FANCA: variants seen among roughly 807,000 people sequenced by gnomAD.
The protein encoded by FANCA is Fanconi anemia group A protein.
FANCA carries 236 observed loss-of-function variants against 194.3 expected under a neutral mutation model. The ratio of observed to expected loss-of-function variants is 1.21; its 90% confidence interval spans 1.09 to 1.35. The LOEUF (loss-of-function observed/expected upper bound fraction) is 1.35, where lower values mean the gene tolerates loss of function less well. Among genes scored for constraint, FANCA ranks in the 40% most tolerant of loss-of-function variants. FANCA has a pLI of 0.00. For synonymous variants in FANCA, 1,014 were observed against 715.8 expected (o/e 1.42, Z -6.65); for missense variants, 2,628 against 1,813.9 (o/e 1.45, Z -8.15).
intron 35 of FANCA, among the ~76,000 whole-genome samples, chr16:89,746,354 C>G (rs12102297): frequency 6.6e-6 from 1 of 151,978 alleles, no homozygotes; most frequent in Admixed American, 6.6e-5. Flanking sequence ...AGAAGTCCTG[C>G]GGGTGCCATG....
chr16:89,760,674 C>T (rs1026985943), intron 29 of FANCA, among the ~76,000 whole-genome samples: 2 of 152,182 alleles, frequency 1.3e-5, no homozygotes, highest in African/African-American at 4.8e-5. Flanking sequence ...CAAATGGTCT[C>T]AGTCATCAGC....
At position 89,815,865 on chromosome 16, in the gene FANCA, G is replaced by C. The variant is rs753101174; in HGVS notation, c.189+12C>G. 34 of 1,596,048 alleles carry C rather than the reference G, an allele frequency of 2.1e-5. No homozygotes were observed. In the Middle Eastern group the frequency reaches 4.6e-3, roughly 218 times the overall value. On this transcript the variant is annotated intron_variant, in intron 2 of 42. Transcript: ENST00000389301. ...TAAATCTGCCCGCAGACGGACACCA[G>C]CTTCCTCTTACCTCAAGCAAAAGGG...
chr16:89,791,966 G>A lies in FANCA; in HGVS notation c.1186C>T (p.Leu396=), dbSNP rs1445257468. ...TGCGCTTCTGGAAAGCAGACAACCA[G>A]GGCAGACACAAAGGAGAGCACTCTC... ...WQRVLSFVSA[L]VVCFPEAQQL... Residue 396 remains leucine, a synonymous_variant, in exon 13 of 43, where the codon CTG becomes TTG. Transcript: ENST00000389301. The A allele has an allele frequency of 6.2e-7, 1 of 1,614,004 alleles. No homozygotes were observed. The highest frequency in any genetic ancestry group is 1.3e-5 in the African/African-American group (1 of 74,912).
intron 6 of FANCA, among the ~76,000 whole-genome samples, chr16:89,806,625 G>A (rs2040658656): frequency 6.6e-6 from 1 of 152,050 alleles, no homozygotes; most frequent in South Asian, 2.1e-4. Flanking sequence ...ATTTAACCCT[G>A]AGTGGACACA....
intron 23 of FANCA, 37 bp from the exon 24 acceptor site, chr16:89,770,671 G>A (rs201072222): frequency 1.3e-6 from 2 of 1,556,562 alleles, no homozygotes; most frequent in Middle Eastern, 1.7e-4. Context: ...TGGTGTCCTG[G>A]GGACGGGAGC....
intron 36 of FANCA, among the ~76,000 whole-genome samples, chr16:89,743,504 C>T (rs2062181635): frequency 6.6e-6 from 1 of 152,036 alleles, no homozygotes; most frequent in Non-Finnish European, 1.5e-5. Flanking sequence ...TCTGCCTGGG[C>T]AACACAGTGA....
At chr16:89,795,323 TAAAA>T (rs2040206690) in intron 11 of FANCA, among the ~76,000 whole-genome samples, 4 of 147,860 alleles carry the variant, frequency 2.7e-5, no homozygotes, top group African/African-American at 1.0e-4. Flanking sequence ...AATAAATAAA[TAAAA>T]TAAAGATATT....
At chr16:89,761,155 C>T (rs997086092) in intron 29 of FANCA, among the ~76,000 whole-genome samples, 9 of 152,190 alleles carry the variant, frequency 5.9e-5, no homozygotes, top group African/African-American at 2.2e-4. Context: ...CGCGGTGGCT[C>T]ACGCCTGTAA....
rs1228055047 is a variant in FANCA, at chr16:89,748,779, G to C, written c.3240-12C>G. 1.2e-5 allele frequency: 19 copies of C among 1,610,336 alleles called. No homozygotes were observed. Among genetic ancestry groups the C allele is most frequent in the Non-Finnish European group, 1.5e-5 (18 of 1,177,314 alleles). ...GGCGGAGGAGGATCCTGGAAAGAAG[G>C]GGCTGTATTGGTGGCGACAGCACAG... On this transcript the variant is annotated splice_polypyrimidine_tract_variant and intron_variant, in intron 32 of 42. Transcript: ENST00000389301.
At chr16:89,751,034 G>A (rs899016266) in intron 31 of FANCA, among the ~76,000 whole-genome samples, 1 of 152,084 alleles carries the variant, frequency 6.6e-6, no homozygotes, top group African/African-American at 2.4e-5. Context: ...TGGGACTATA[G>A]GTACACACCA....
intron 17 of FANCA, among the ~76,000 whole-genome samples, chr16:89,781,664 A>C (rs2039711353): frequency 6.8e-6 from 1 of 147,516 alleles, no homozygotes; most frequent in Non-Finnish European, 1.5e-5. Context: ...CGACAGAGCG[A>C]GACTCCGTCT....
At chr16:89,778,733 T>A in intron 20 of FANCA, 68 bp downstream of exon 20, 1 of 1,413,632 alleles carries the variant, frequency 7.1e-7, no homozygotes, top group Non-Finnish European at 9.9e-7. Context: ...CTACAGAAGA[T>A]CCACAATTCT....
intron 11 of FANCA, among the ~76,000 whole-genome samples, 167 bp downstream of exon 11, chr16:89,795,739 G>C (rs563979568): frequency 2.0e-5 from 3 of 152,296 alleles, no homozygotes; most frequent in East Asian, 1.9e-4. Flanking sequence ...CAGGTAAAAG[G>C]ATATTTAGTA....
At position 89,738,217 on chromosome 16, in the gene FANCA, G is replaced by T. The variant is rs141300146; in HGVS notation, c.*384C>A. 5.6e-6 allele frequency: 9 copies of T among 1,609,496 alleles called. No individual in the cohort carries two copies. The highest frequency in any genetic ancestry group is 7.6e-6 in the Non-Finnish European group (9 of 1,178,390). On this transcript the variant is annotated 3_prime_UTR_variant, in exon 43 of 43. Coordinates refer to ENST00000389301, the MANE Select transcript of FANCA (RefSeq NM_000135.4). ...ACCGAGCCCCTCTGTGACCACAGAG[G>T]GCCAGGCGGTGAAGCCCGAACCCAC...
chr16:89,744,593 A>T, intron 36 of FANCA: 3 of 351,934 alleles, frequency 8.5e-6, no homozygotes, highest in Admixed American at 4.0e-5. Context: ...CAAAGGAATC[A>T]CTCGAGCTCC....
At chr16:89,799,274 G>A (rs753368280) in intron 9 of FANCA, 42 bp from the exon 10 acceptor site, 42 of 1,610,486 alleles carry the variant, frequency 2.6e-5, no homozygotes, top group South Asian at 2.1e-4. Flanking sequence ...GTCAGCACAC[G>A]GCGGCAGCCC....
At chr16:89,764,746 G>A (rs890323278) in intron 28 of FANCA, 144 bp downstream of exon 28, 8 of 985,682 alleles carry the variant, frequency 8.1e-6, no homozygotes, top group Non-Finnish European at 9.8e-6. Context: ...GGAGACAGTC[G>A]GCACACACAC....
At chr16:89,792,427 C>T in intron 12 of FANCA, 44 bp downstream of exon 12, 1 of 1,583,476 alleles carries the variant, frequency 6.3e-7, no homozygotes, top group Middle Eastern at 2.1e-4. Flanking sequence ...TCTTAATCCC[C>T]CCGCCACGAG....
intron 1 of FANCA, chr16:89,816,269 C>A (rs2143727715): frequency 3.4e-6 from 1 of 293,394 alleles, no homozygotes; most frequent in Non-Finnish European, 6.3e-6. Flanking sequence ...CACCCCAGGC[C>A]CGCCTGACAG....
Sources: gnomAD v4.1 joint callset for allele counts (sites outside exome capture counted in the v4.1 genomes callset) on GRCh38, gnomAD v4.1.1 for gene constraint, MANE v1.5 for transcripts, NCBI Gene and HGNC (gene_info 2026-07-23, HGNC 2026-07-21) for gene names.